The following SENP2 variants were observed in gnomAD, a reference collection of about 807,000 sequenced individuals.
SENP2 encodes the protein SUMO specific peptidase 2, also known as sentrin-specific protease 2.
A neutral mutation model predicts 86.3 loss-of-function variants in SENP2; 16 were observed. The observed-to-expected ratio is 0.19, with a 90% CI of 0.13 to 0.28. The LOEUF is 0.28. Among genes scored for constraint, SENP2 ranks in the 10% least tolerant of loss-of-function variants. SENP2 has a pLI of 1.00. For synonymous variants in SENP2, 222 were observed against 238.7 expected (o/e 0.93, Z 0.64); for missense variants, 552 against 703.0 (o/e 0.79, Z 2.43).
In SENP2 at chr3:185,599,033, G is replaced by A. The variant is rs1722262198; in HGVS notation, c.358+9G>A. ...CAACATGCTGAAACTGGGTGAGGTG[G>A]TCAAAAATATTTCTGTTTCCCGCTA... On this transcript the variant is annotated intron_variant, in intron 4 of 16. Coordinates refer to ENST00000296257, the MANE Select transcript of SENP2 (RefSeq NM_021627.3). The A allele has an allele frequency of 5.0e-6, 8 of 1,606,146 alleles. No individual in the cohort carries two copies. Among genetic ancestry groups the A allele is most frequent in the Non-Finnish European group, 6.8e-6 (8 of 1,176,152 alleles).
intron 6 of SENP2, among the ~76,000 whole-genome samples, chr3:185,608,365 G>A (rs1349818501): frequency 3.3e-5 from 5 of 152,180 alleles, no homozygotes; most frequent in Non-Finnish European, 7.3e-5. Flanking sequence ...TAGCAAGGAC[G>A]TTATCTGTTG....
intron 1 of SENP2, among the ~76,000 whole-genome samples, chr3:185,588,657 G>T (rs1721879518): frequency 6.6e-6 from 1 of 152,120 alleles, no homozygotes; most frequent in South Asian, 2.1e-4. Context: ...GAGATACATG[G>T]TTTTGCCTTA....
chr3:185,590,867 CAAAAAAAAAAA>C (rs1196821162), intron 2 of SENP2, among the ~76,000 whole-genome samples: 3 of 13,540 alleles, frequency 2.2e-4, no homozygotes, highest in Non-Finnish European at 3.8e-4. Flanking sequence ...CACTCCATCT[CAAAAAAAAAAA>C]AAAAAAAAAA....
chr3:185,593,302 G>A (rs1204782776), intron 2 of SENP2, among the ~76,000 whole-genome samples: 1 of 152,098 alleles, frequency 6.6e-6, no homozygotes, highest in Non-Finnish European at 1.5e-5. Context: ...TAGAGACAGG[G>A]TCTTGCTATA....
At chr3:185,614,434 T>C (rs1711524918) in intron 10 of SENP2, 130 bp from the exon 11 acceptor site, 1 of 898,142 alleles carries the variant, frequency 1.1e-6, no homozygotes, top group Admixed American at 3.0e-5. Context: ...AGGGTAAATC[T>C]ACTCACTTGG....
At chr3:185,619,588 A>G (rs755676023) in intron 13 of SENP2, 86 bp downstream of exon 13, 2 of 940,672 alleles carry the variant, frequency 2.1e-6, no homozygotes, top group Admixed American at 2.4e-5. Flanking sequence ...TGCCCTGTGT[A>G]TAGAGGCCAA....
intron 7 of SENP2, among the ~76,000 whole-genome samples, chr3:185,610,690 G>T (rs1054950316): frequency 6.6e-6 from 1 of 152,238 alleles, no homozygotes; most frequent in East Asian, 1.9e-4. Context: ...GGGCACAGTG[G>T]CTCACACCTG....
At chr3:185,614,318 C>T (rs978702093) in intron 10 of SENP2, among the ~76,000 whole-genome samples, 1 of 152,160 alleles carries the variant, frequency 6.6e-6, no homozygotes, top group African/African-American at 2.4e-5. Context: ...TTTCTTGCTA[C>T]TTCCAGGGAA....
At chr3:185,594,911 A>T (rs1722127876) in intron 2 of SENP2, among the ~76,000 whole-genome samples, 1 of 152,118 alleles carries the variant, frequency 6.6e-6, no homozygotes, top group Non-Finnish European at 1.5e-5. Flanking sequence ...TTTAGTAGAG[A>T]CAGGGTTTCA....
intron 6 of SENP2, chr3:185,606,985 C>T: frequency 8.9e-6 from 2 of 225,946 alleles, no homozygotes; most frequent in African/African-American, 2.8e-5. Flanking sequence ...TTTCTTTTTT[C>T]CTTTTTTTTT....
chr3:185,589,940 T>A (rs2148979205), intron 1 of SENP2, among the ~76,000 whole-genome samples, 174 bp from the exon 2 acceptor site: 1 of 152,240 alleles, frequency 6.6e-6, no homozygotes, highest in Admixed American at 6.5e-5. Context: ...AGTGCTGGGA[T>A]TACAGGCACG....
intron 5 of SENP2, among the ~76,000 whole-genome samples, chr3:185,605,907 G>A (rs1319001298): frequency 1.3e-5 from 2 of 152,182 alleles, no homozygotes; most frequent in African/African-American, 2.4e-5. Flanking sequence ...TAACAGTGGT[G>A]AAAGGATGTA....
intron 13 of SENP2, among the ~76,000 whole-genome samples, chr3:185,620,722 C>T (rs1050851499): frequency 6.6e-5 from 10 of 150,496 alleles, no homozygotes; most frequent in Non-Finnish European, 1.2e-4. Context: ...GGATTATAGG[C>T]GGGAGCCACC....
chr3:185,602,906 C>T (rs541232609), intron 5 of SENP2, among the ~76,000 whole-genome samples: 1 of 138,872 alleles, frequency 7.2e-6, no homozygotes, highest in Non-Finnish European at 1.5e-5. Flanking sequence ...TCTCCTTACA[C>T]GTTACTTTTT....
intron 13 of SENP2, among the ~76,000 whole-genome samples, chr3:185,621,156 C>CAAAAAAAAA (rs1206042436): frequency 2.0e-4 from 8 of 39,048 alleles, no homozygotes; most frequent in Admixed American, 4.1e-4. Context: ...GATCTTGTCT[C>CAAAAAAAAA]AAAAAAAAAA....
At chr3:185,609,817 A>G (rs1192210011) in intron 7 of SENP2, among the ~76,000 whole-genome samples, 1 of 150,588 alleles carries the variant, frequency 6.6e-6, no homozygotes, top group Non-Finnish European at 1.5e-5. Flanking sequence ...CCCCTACCCC[A>G]TGAGACATAC....
At chr3:185,613,316 G>GTC (rs1181254987) in intron 9 of SENP2, 29 bp from the exon 10 acceptor site, 2 of 1,299,304 alleles carry the variant, frequency 1.5e-6, no homozygotes, top group African/African-American at 3.0e-5. Flanking sequence ...TCTAGCAGAA[G>GTC]TCTATCATCT....
chr3:185,615,432 A>T (rs775273185), intron 11 of SENP2, among the ~76,000 whole-genome samples: 12 of 151,922 alleles, frequency 7.9e-5, no homozygotes, highest in Admixed American at 2.0e-4. Flanking sequence ...CAACCTCTGC[A>T]TCCTGGGTTC....
chr3:185,628,812 G>A (rs1712277268), intron 16 of SENP2, among the ~76,000 whole-genome samples: 1 of 152,168 alleles, frequency 6.6e-6, no homozygotes, highest in South Asian at 2.1e-4. Flanking sequence ...GGCCAAGAAT[G>A]TGAACTTCCG....
Sources: allele counts gnomAD v4.1 joint callset (sites outside exome capture counted in the v4.1 genomes callset), GRCh38; gene constraint gnomAD v4.1.1; transcripts MANE v1.5; gene names NCBI Gene and HGNC (gene_info 2026-07-23, HGNC 2026-07-21).